Variants in BTRC observed in about 807,000 individuals in gnomAD.
BTRC encodes F-box/WD repeat-containing protein 1A.
Under a neutral mutation model 85.5 loss-of-function variants are expected in BTRC, and 42 were observed. The ratio of observed to expected loss-of-function variants is 0.49; its 90% CI spans 0.38 to 0.64. The LOEUF is 0.64. Ranked by LOEUF, BTRC falls within the 30% of genes least tolerant of loss-of-function variation. The probability of loss-of-function intolerance (pLI) is 0.00; values close to 1 mark genes in which losing one functional copy is unlikely to be tolerated. For synonymous variants in BTRC, 255 were observed against 263.3 expected, an observed-to-expected ratio of 0.97 and a Z score of 0.30; for missense variants, 594 against 743.5, an observed-to-expected ratio of 0.80 and a Z score of 2.34.
At chr10:101,375,035 C>T (rs889414711) in intron 1 of BTRC, among the ~76,000 whole-genome samples, 12 of 152,110 alleles carry the variant, frequency 7.9e-5, no homozygotes, top group African/African-American at 2.9e-4. Context: ...GACTAGGTGT[C>T]TGTTGGCAAC....
chr10:101,453,181 C>G (rs577224269), intron 2 of BTRC, among the ~76,000 whole-genome samples: 1 of 152,242 alleles, frequency 6.6e-6, no homozygotes, highest in Non-Finnish European at 1.5e-5. Flanking sequence ...AAGTATTAAT[C>G]CAATTACTAA....
chr10:101,500,286 G>C (rs979855661), intron 4 of BTRC, among the ~76,000 whole-genome samples: 2 of 151,974 alleles, frequency 1.3e-5, no homozygotes, highest in Non-Finnish European at 2.9e-5. Flanking sequence ...AATACTGTAC[G>C]CAATCATAAC....
chr10:101,373,492 T>C (rs10450405), intron 1 of BTRC, among the ~76,000 whole-genome samples: 49,798 of 151,944 alleles, frequency 0.33, 10,707 homozygotes, highest in East Asian at 0.67. Flanking sequence ...GCATCAGTCA[T>C]GTTAAGGGCA....
chr10:101,532,793 CGTGT>C (rs371326688), intron 8 of BTRC, among the ~76,000 whole-genome samples, 155 bp from the exon 9 acceptor site: 8,290 of 50,524 alleles, frequency 0.16, 317 homozygotes, highest in African/African-American at 0.2. Context: ...TGTGTGTGCG[CGTGT>C]GCGCGCGCGC....
chr10:101,445,058 G>T (rs955567796), intron 2 of BTRC, among the ~76,000 whole-genome samples: 1 of 152,264 alleles, frequency 6.6e-6, no homozygotes, highest in South Asian at 2.1e-4. Context: ...CGATATGTTA[G>T]GGTTTAGTTA....
chr10:101,547,364 TCTCA>T (rs1469953903), intron 13 of BTRC, among the ~76,000 whole-genome samples: 1 of 115,724 alleles, frequency 8.6e-6, no homozygotes, highest in Non-Finnish European at 1.7e-5. Context: ...TGAGACGGAG[TCTCA>T]CTCTTGTTAC....
chr10:101,405,075 T>A (rs919859728), intron 1 of BTRC, among the ~76,000 whole-genome samples: 4 of 151,412 alleles, frequency 2.6e-5, no homozygotes, highest in Non-Finnish European at 5.9e-5. Flanking sequence ...GGGGTGAACA[T>A]AGGAGTTCAT....
chr10:101,386,577 G>T (rs1943085027), intron 1 of BTRC, among the ~76,000 whole-genome samples: 2 of 152,156 alleles, frequency 1.3e-5, no homozygotes, highest in African/African-American at 4.8e-5. Flanking sequence ...CTTAGAAAAA[G>T]AGTTTTTATG....
chr10:101,409,236 C>A (rs1450052087), intron 1 of BTRC, among the ~76,000 whole-genome samples: 2 of 152,142 alleles, frequency 1.3e-5, no homozygotes, highest in African/African-American at 4.8e-5. Flanking sequence ...TTTCTATTCC[C>A]TTCCTTCAGC....
At chr10:101,420,553 C>T (rs771697341) in intron 1 of BTRC, among the ~76,000 whole-genome samples, 1 of 152,134 alleles carries the variant, frequency 6.6e-6, no homozygotes, top group Non-Finnish European at 1.5e-5. Flanking sequence ...CCTCATCATT[C>T]TGCTCACTGC....
chr10:101,526,247 A>C (rs1240851660), intron 6 of BTRC, 48 bp downstream of exon 6: 1 of 1,533,768 alleles, frequency 6.5e-7, no homozygotes, highest in East Asian at 2.3e-5. Flanking sequence ...GGACCTGGCC[A>C]TTCACAGTCA....
intron 1 of BTRC, among the ~76,000 whole-genome samples, chr10:101,428,788 T>A (rs1371523301): frequency 6.6e-6 from 1 of 152,222 alleles, no homozygotes; most frequent in Non-Finnish European, 1.5e-5. Context: ...AATCAGGGGA[T>A]ATACATAGAT....
intron 4 of BTRC, among the ~76,000 whole-genome samples, chr10:101,491,653 C>T (rs928439882): frequency 3.9e-4 from 59 of 151,732 alleles, no homozygotes; most frequent in African/African-American, 1.4e-3. Context: ...GCCAAGATCG[C>T]GCCTCTGCAC....
At chr10:101,514,507 C>CAGT (rs2061997157) in intron 4 of BTRC, among the ~76,000 whole-genome samples, 1 of 151,228 alleles carries the variant, frequency 6.6e-6, no homozygotes, top group Non-Finnish European at 1.5e-5. Context: ...ATCTAGAGTG[C>CAGT]AGTAGCACAA....
intron 4 of BTRC, among the ~76,000 whole-genome samples, chr10:101,520,542 T>C (rs2062088829): frequency 6.6e-6 from 1 of 152,226 alleles, no homozygotes; most frequent in African/African-American, 2.4e-5. Flanking sequence ...TATTTTATGT[T>C]ATGGAAAAAG....
At chr10:101,366,766 TTATATA>T (rs375980263) in intron 1 of BTRC, among the ~76,000 whole-genome samples, 1,183 of 50,846 alleles carry the variant, frequency 0.023, 43 homozygotes, top group African/African-American at 0.028. Flanking sequence ...CTTAATCTAG[TTATATA>T]TATATATATA....
intron 1 of BTRC, among the ~76,000 whole-genome samples, chr10:101,380,709 A>G (rs1011069105): frequency 2.0e-5 from 3 of 152,346 alleles, no homozygotes; most frequent in Middle Eastern, 6.8e-3. Flanking sequence ...CACTATTGGC[A>G]TAGTGGAAAT....
At chr10:101,395,971 G>C (rs949882720) in intron 1 of BTRC, among the ~76,000 whole-genome samples, 1 of 151,944 alleles carries the variant, frequency 6.6e-6, no homozygotes, top group African/African-American at 2.4e-5. Context: ...GATGGGAGAA[G>C]GTTTTGTATT....
chr10:101,487,137 C>T (rs1222640710), intron 4 of BTRC, among the ~76,000 whole-genome samples: 1 of 152,076 alleles, frequency 6.6e-6, no homozygotes, highest in Non-Finnish European at 1.5e-5. Context: ...TAAAATCACC[C>T]TTATTAATTG....
Sources: gnomAD v4.1 joint callset for allele counts (sites outside exome capture counted in the v4.1 genomes callset) on GRCh38, gnomAD v4.1.1 for gene constraint, MANE v1.5 for transcripts, NCBI Gene and HGNC (gene_info 2026-07-23, HGNC 2026-07-21) for gene names.